Variants in PTH2R observed in about 807,000 individuals in gnomAD.
PTH2R encodes the protein PTH2 receptor.
PTH2R carries 59 observed loss-of-function variants against 60.3 expected under a neutral mutation model. The observed-to-expected ratio is 0.98, with a 90% CI of 0.79 to 1.22. The LOEUF (loss-of-function observed/expected upper bound fraction) is 1.22, where lower values mean the gene tolerates loss of function less well. PTH2R is among the 50% of genes most tolerant of loss of function. The pLI, the probability that PTH2R is intolerant of heterozygous loss-of-function variation, is 0.00. For missense variants in PTH2R, 749 were observed against 682.6 expected (o/e 1.10, Z -1.08); for synonymous variants, 256 against 243.8 (o/e 1.05, Z -0.47).
At chr2:208,447,884 T>G (rs1702321595) in intron 7 of PTH2R, among the ~76,000 whole-genome samples, 1 of 152,118 alleles carries the variant, frequency 6.6e-6, no homozygotes, top group Non-Finnish European at 1.5e-5. Flanking sequence ...CTTAGTTCCA[T>G]TTTATTTCAA....
chr2:208,443,179 A>G (rs957303682), intron 5 of PTH2R, among the ~76,000 whole-genome samples, 169 bp from the exon 6 acceptor site: 2 of 152,240 alleles, frequency 1.3e-5, no homozygotes, highest in Non-Finnish European at 2.9e-5. Flanking sequence ...ATACTGCACT[A>G]TATCATATAA....
chr2:208,442,547 A>G (rs1702208152), intron 5 of PTH2R, 86 bp downstream of exon 5: 2 of 1,073,524 alleles, frequency 1.9e-6, no homozygotes, highest in Admixed American at 1.9e-5. Flanking sequence ...AATATTTTCC[A>G]AATGTTTTCC....
intron 1 of PTH2R, among the ~76,000 whole-genome samples, chr2:208,394,013 T>C (rs1701158905): frequency 6.6e-6 from 1 of 152,204 alleles, no homozygotes; most frequent in African/African-American, 2.4e-5. Context: ...CTATTCCCTG[T>C]GGGCTTGCCT....
intron 2 of PTH2R, among the ~76,000 whole-genome samples, chr2:208,436,470 G>A (rs2105864130): frequency 6.6e-6 from 1 of 152,314 alleles, no homozygotes; most frequent in South Asian, 2.1e-4. Flanking sequence ...TCTGAGTCCA[G>A]TGAGGCAGAA....
At position 208,406,999 on chromosome 2, in the gene PTH2R, G is replaced by A. The variant is rs1337516459; in HGVS notation, c.-45G>A. 1.5e-6 allele frequency: 2 copies of A among 1,355,582 alleles called. No homozygotes were observed. The highest frequency in any genetic ancestry group is 1.9e-6 in the Non-Finnish European group (2 of 1,043,702). 84.0% of individuals were successfully genotyped at this position (1,355,582 alleles called of 1,614,324 possible). On this transcript the variant is annotated 5_prime_UTR_variant, in exon 1 of 13. Coordinates refer to ENST00000272847, the MANE Select transcript of PTH2R (RefSeq NM_005048.4). ...GTTGGCAACTTGGAAGCTTCTCCCG[G>A]GCTCTGGAGGAGGGTCCCTGCTTCT... is the stretch of plus-strand genomic sequence containing the variant.
At chr2:208,365,932 AT>A (rs1700572491) in intron 1 of PTH2R, among the ~76,000 whole-genome samples, 2 of 6,868 alleles carry the variant, frequency 2.9e-4, no homozygotes, top group Non-Finnish European at 3.1e-4. Context: ...ATAGATAAAT[AT>A]ATATATATAT....
At chr2:208,436,293 A>C (rs1374687297) in intron 2 of PTH2R, among the ~76,000 whole-genome samples, 2 of 151,940 alleles carry the variant, frequency 1.3e-5, no homozygotes, top group Non-Finnish European at 2.9e-5. Context: ...AGGTAAGGGA[A>C]TAAGTCTGTC....
In PTH2R at chr2:208,458,905, C is replaced by T. The variant is rs376939888; in HGVS notation, c.915-990C>T. On this transcript the variant is annotated intron_variant, in intron 8 of 12. Coordinates refer to ENST00000272847, the MANE Select transcript of PTH2R (RefSeq NM_005048.4). ...TTCTTTGCTATTGTGAACAGTGCTG[C>T]GATGAATATTTGCATACGTGTGTCT... 1.5e-4 allele frequency among the ~76,000 whole-genome samples: 23 copies of T among 152,146 alleles called. No individual in the cohort carries two copies. The East Asian group carries it at 3.1e-3, about 20-fold the overall frequency.
At chr2:208,439,285 A>C (rs1445093953) in intron 4 of PTH2R, among the ~76,000 whole-genome samples, 1 of 152,136 alleles carries the variant, frequency 6.6e-6, no homozygotes, top group Non-Finnish European at 1.5e-5. Flanking sequence ...AAAATGATTT[A>C]AAAGTTAATA....
intron 1 of PTH2R, among the ~76,000 whole-genome samples, chr2:208,383,358 A>C (rs1216270832): frequency 1.3e-5 from 2 of 152,224 alleles, no homozygotes; most frequent in African/African-American, 4.8e-5. Flanking sequence ...ACATGTAGCT[A>C]CAAGGCAGAG....
At chr2:208,387,107 T>G (rs1430605526) in intron 1 of PTH2R, among the ~76,000 whole-genome samples, 1 of 152,220 alleles carries the variant, frequency 6.6e-6, no homozygotes. Context: ...TGTTCTCTTC[T>G]TTTTGAGCTC....
intron 1 of PTH2R, among the ~76,000 whole-genome samples, chr2:208,410,473 C>A (rs193059642): frequency 2.3e-4 from 35 of 152,240 alleles, no homozygotes; most frequent in Middle Eastern, 6.8e-3. Flanking sequence ...CAGCAATCTC[C>A]GCCCCGAGTC....
At chr2:208,430,714 TTTTTTTGTATTTTTTG>T (rs1159315868) in intron 2 of PTH2R, among the ~76,000 whole-genome samples, 1 of 152,002 alleles carries the variant, frequency 6.6e-6, no homozygotes, top group African/African-American at 2.4e-5. Flanking sequence ...ATCCGGCTAA[TTTTTTTGTATTTTTTG>T]TTTTTTGTAT....
At chr2:208,477,239 C>T (rs1703025272) in intron 9 of PTH2R, among the ~76,000 whole-genome samples, 1 of 152,092 alleles carries the variant, frequency 6.6e-6, no homozygotes, top group Admixed American at 6.6e-5. Flanking sequence ...GTGAGACTAA[C>T]ATTTAAACAT....
At chr2:208,463,679 CA>C (rs1183964159) in intron 9 of PTH2R, among the ~76,000 whole-genome samples, 1 of 152,194 alleles carries the variant, frequency 6.6e-6, no homozygotes, top group African/African-American at 2.4e-5. Context: ...GCCCACACTC[CA>C]GGTAGATTTC....
At position 208,367,752 on chromosome 2, in the gene PTH2R, C is replaced by T. The variant is rs143983385; in HGVS notation, c.-259+7515C>T. Among the ~76,000 whole-genome samples, 8 of 152,240 alleles carry T rather than the reference C, an allele frequency of 5.3e-5. No individual in the cohort carries two copies. In the East Asian group the frequency reaches 1.5e-3, roughly 29 times the overall value. On this transcript the variant is annotated intron_variant, in intron 1 of 12. Coordinates refer to the PTH2R transcript ENST00000617735. ...ACCTCTCAATATTTTTCTAAGTTCT[C>T]AAAGTCAAATTAGACTCTATGACAA...
chr2:208,460,058 A>G (rs1702603090), intron 9 of PTH2R, 97 bp downstream of exon 9: 2 of 1,045,692 alleles, frequency 1.9e-6, no homozygotes, highest in Admixed American at 4.0e-5. Context: ...TCTACAACAG[A>G]TCTGAGAAAC....
chr2:208,393,807 G>A (rs1429382461), intron 1 of PTH2R, among the ~76,000 whole-genome samples: 1 of 152,188 alleles, frequency 6.6e-6, no homozygotes, highest in Non-Finnish European at 1.5e-5. Flanking sequence ...GTAATGAGAA[G>A]GGAACTTGAA....
chr2:208,446,327 G>A (rs995426), intron 7 of PTH2R, among the ~76,000 whole-genome samples: 150,390 of 152,306 alleles, frequency 0.99, 74,272 homozygotes, highest in Middle Eastern at 1. Context: ...AAGAGAATGT[G>A]AAGAAAAGCT....
Sources: allele counts gnomAD v4.1 joint callset (sites outside exome capture counted in the v4.1 genomes callset), GRCh38; gene constraint gnomAD v4.1.1; transcripts MANE v1.5; gene names NCBI Gene and HGNC (gene_info 2026-07-23, HGNC 2026-07-21).